The following ZNF892 variants were observed in gnomAD, a reference collection of about 807,000 sequenced individuals.
The protein encoded by ZNF892 is zinc finger protein 892, also known as zinc finger protein 570-like.
chr2:95,215,328 CT>C, the ZNF892 span: 1 of 468,388 alleles, frequency 2.1e-6, no homozygotes, highest in Non-Finnish European at 3.8e-6. Context: ...CCGCTCAGCC[CT>C]TATTCGTCAT....
At chr2:95,246,563 AAGTCAAAT>A in the ZNF892 span, among the ~76,000 whole-genome samples, 2 of 152,206 alleles carry the variant, frequency 1.3e-5, no homozygotes, top group Non-Finnish European at 2.9e-5. Context: ...GGAAGAGAGG[AAGTCAAAT>A]TGTCTTTGGA....
the ZNF892 span, among the ~76,000 whole-genome samples, chr2:95,250,957 GTAAA>G: frequency 6.8e-6 from 1 of 147,356 alleles, no homozygotes. Context: ...AAATGCTTAT[GTAAA>G]TAAATGCTTA....
the ZNF892 span, among the ~76,000 whole-genome samples, chr2:95,226,691 C>T: frequency 1.3e-5 from 2 of 152,274 alleles, no homozygotes; most frequent in African/African-American, 4.8e-5. Flanking sequence ...CTCCTTGGGA[C>T]AGGTCTGTGG....
the ZNF892 span, among the ~76,000 whole-genome samples, chr2:95,234,107 C>T: frequency 1.3e-5 from 2 of 152,142 alleles, no homozygotes; most frequent in African/African-American, 2.4e-5. Context: ...CTGCAACCTC[C>T]GCCTCCCAGG....
the ZNF892 span, chr2:95,207,591 G>C: frequency 2.6e-6 from 1 of 386,482 alleles, no homozygotes; most frequent in African/African-American, 2.1e-5. Context: ...GTCGGGCTCG[G>C]CTTCCTCAGT....
At chr2:95,228,006 T>C in the ZNF892 span, among the ~76,000 whole-genome samples, 1 of 152,198 alleles carries the variant, frequency 6.6e-6, no homozygotes, top group Non-Finnish European at 1.5e-5. Context: ...TTATCCACAG[T>C]TATCCCCAAA....
the ZNF892 span, among the ~76,000 whole-genome samples, chr2:95,256,214 T>C: frequency 2.0e-5 from 3 of 152,240 alleles, no homozygotes; most frequent in Non-Finnish European, 2.9e-5. Flanking sequence ...TGGTACTGGT[T>C]GTTCCTTTCC....
At chr2:95,239,752 C>T in the ZNF892 span, among the ~76,000 whole-genome samples, 2 of 152,136 alleles carry the variant, frequency 1.3e-5, no homozygotes, top group Non-Finnish European at 2.9e-5. Context: ...CTCAGCCTCC[C>T]TAGTAGCTGG....
At chr2:95,220,324 A>T in the ZNF892 span, among the ~76,000 whole-genome samples, 5 of 151,044 alleles carry the variant, frequency 3.3e-5, no homozygotes, top group Non-Finnish European at 4.4e-5. Flanking sequence ...TCCTTTGGCT[A>T]AAAAAAGCAG....
At chr2:95,211,572 C>A in the ZNF892 span, 1 of 398,278 alleles carries the variant, frequency 2.5e-6, no homozygotes. Flanking sequence ...TCAGAGGCCT[C>A]TGTAAGGAGG....
At chr2:95,251,500 T>C in the ZNF892 span, among the ~76,000 whole-genome samples, 1 of 152,138 alleles carries the variant, frequency 6.6e-6, no homozygotes, top group Admixed American at 6.5e-5. Flanking sequence ...GGCAGAGACA[T>C]CCCCAAAGAG....
At chr2:95,253,149 A>AGTCCTT in the ZNF892 span, among the ~76,000 whole-genome samples, 4 of 152,198 alleles carry the variant, frequency 2.6e-5, no homozygotes, top group Non-Finnish European at 5.9e-5. Context: ...TTAGACATGA[A>AGTCCTT]GTCCTTGCCC....
At chr2:95,233,725 G>GTCAAAT in the ZNF892 span, among the ~76,000 whole-genome samples, 1 of 143,136 alleles carries the variant, frequency 7.0e-6, no homozygotes, top group East Asian at 2.1e-4. Context: ...CCAAACTGCT[G>GTCAAAT]TCAAATTCAA....
the ZNF892 span, among the ~76,000 whole-genome samples, chr2:95,247,531 T>G: frequency 6.6e-6 from 1 of 152,062 alleles, no homozygotes; most frequent in Non-Finnish European, 1.5e-5. Flanking sequence ...ACTAAAGAGC[T>G]TATGCATAGC....
the ZNF892 span, among the ~76,000 whole-genome samples, chr2:95,230,213 CAG>C: frequency 3.3e-5 from 5 of 152,116 alleles, no homozygotes; most frequent in South Asian, 2.1e-4. Flanking sequence ...TTTGAGGACT[CAG>C]GGGGAAAGGG....
chr2:95,213,968 C>CCTATCTCCTCTAAAGGAT, the ZNF892 span, among the ~76,000 whole-genome samples: 11 of 152,102 alleles, frequency 7.2e-5, no homozygotes, highest in African/African-American at 2.4e-4. Flanking sequence ...TTTCTCTGAT[C>CCTATCTCCTCTAAAGGAT]CTATCTCCTC....
the ZNF892 span, among the ~76,000 whole-genome samples, chr2:95,221,446 C>A: frequency 3.3e-5 from 5 of 152,168 alleles, no homozygotes; most frequent in African/African-American, 9.6e-5. Context: ...GATGCAATTT[C>A]GTGATTTTTT....
At chr2:95,235,463 G>A in the ZNF892 span, among the ~76,000 whole-genome samples, 90 of 151,270 alleles carry the variant, frequency 5.9e-4, no homozygotes, top group Middle Eastern at 6.8e-3. Context: ...TCGGGCTTAC[G>A]CCATTCTCCT....
At chr2:95,248,524 C>T in the ZNF892 span, among the ~76,000 whole-genome samples, 17 of 152,206 alleles carry the variant, frequency 1.1e-4, no homozygotes, top group African/African-American at 3.9e-4. Context: ...AAAAAGAACA[C>T]GAAGCACAAC....
Sources: allele counts gnomAD v4.1 joint callset (sites outside exome capture counted in the v4.1 genomes callset), GRCh38; gene constraint gnomAD v4.1.1; transcripts MANE v1.5; gene names NCBI Gene and HGNC (gene_info 2026-07-23, HGNC 2026-07-21).